SMYD3: variants seen among roughly 807,000 people sequenced by gnomAD.
The protein encoded by SMYD3 is histone-lysine N-methyltransferase SMYD3.
A neutral mutation model predicts 57.7 loss-of-function variants in SMYD3; 36 were observed. That is an observed-to-expected ratio of 0.62 (90% confidence interval 0.48 to 0.82). The LOEUF (loss-of-function observed/expected upper bound fraction) is 0.82. Among genes scored for constraint, SMYD3 ranks in the 40% least tolerant of loss-of-function variants. The pLI, the probability that SMYD3 is intolerant of heterozygous loss-of-function variation, is 0.00. For missense variants in SMYD3, 515 were observed against 538.8 expected (o/e 0.96, Z 0.44); for synonymous variants, 211 against 195.0 (o/e 1.08, Z -0.68).
chr1:245,762,282 T>C (rs1052513717), intron 11 of SMYD3, among the ~76,000 whole-genome samples: 7 of 152,146 alleles, frequency 4.6e-5, no homozygotes, highest in African/African-American at 1.7e-4. Context: ...GGGGACTGAG[T>C]ATGATCACGG....
At chr1:245,981,026 A>C (rs1223103737) in intron 5 of SMYD3, among the ~76,000 whole-genome samples, 3 of 152,214 alleles carry the variant, frequency 2.0e-5, no homozygotes, top group Admixed American at 2.0e-4. Context: ...CTGACCCTTT[A>C]GAGAGAGGTC....
At chr1:246,087,721 A>G (rs1231298602) in intron 5 of SMYD3, among the ~76,000 whole-genome samples, 1 of 152,198 alleles carries the variant, frequency 6.6e-6, no homozygotes, top group East Asian at 1.9e-4. Context: ...CAAGTAAAAC[A>G]AACACAATTT....
intron 5 of SMYD3, among the ~76,000 whole-genome samples, chr1:246,219,241 C>A (rs1311168281): frequency 6.6e-6 from 1 of 152,070 alleles, no homozygotes; most frequent in Non-Finnish European, 1.5e-5. Context: ...TATCCCACCC[C>A]ACCCTGTGCC....
chr1:245,771,558 A>G (rs545789673), intron 10 of SMYD3, among the ~76,000 whole-genome samples: 11 of 152,310 alleles, frequency 7.2e-5, no homozygotes, highest in African/African-American at 2.4e-4. Flanking sequence ...AAGACATTAG[A>G]CAGACATAGA....
At chr1:245,759,402 A>C (rs1306943760) in intron 11 of SMYD3, among the ~76,000 whole-genome samples, 1 of 152,136 alleles carries the variant, frequency 6.6e-6, no homozygotes. Context: ...AAGTCCATGG[A>C]AGGGCTTCAG....
chr1:246,067,702 G>A (rs1260610101), intron 5 of SMYD3, among the ~76,000 whole-genome samples: 1 of 152,166 alleles, frequency 6.6e-6, no homozygotes, highest in Admixed American at 6.5e-5. Flanking sequence ...TAGCATGCAA[G>A]ATCATTTTCA....
At chr1:246,019,095 C>T (rs773238178) in intron 5 of SMYD3, among the ~76,000 whole-genome samples, 3 of 152,138 alleles carry the variant, frequency 2.0e-5, no homozygotes, top group Non-Finnish European at 2.9e-5. Context: ...CCATTTTTCT[C>T]TGAGCTTTTT....
chr1:246,157,107 T>A (rs2062034239), intron 5 of SMYD3, among the ~76,000 whole-genome samples: 1 of 152,230 alleles, frequency 6.6e-6, no homozygotes, highest in Non-Finnish European at 1.5e-5. Flanking sequence ...CCAAAGCCAA[T>A]GAGTAGCGAA....
At chr1:246,150,346 A>T (rs1026939382) in intron 5 of SMYD3, among the ~76,000 whole-genome samples, 1 of 152,200 alleles carries the variant, frequency 6.6e-6, no homozygotes, top group Non-Finnish European at 1.5e-5. Context: ...TCAAGTTTAG[A>T]AATTAGTACT....
At chr1:245,849,530 G>C (rs2050845783) in intron 10 of SMYD3, among the ~76,000 whole-genome samples, 1 of 152,192 alleles carries the variant, frequency 6.6e-6, no homozygotes, top group Non-Finnish European at 1.5e-5. Context: ...ACCCAGTGTT[G>C]ATCAGTGTAC....
chr1:245,979,441 C>T (rs1450758482), intron 5 of SMYD3, among the ~76,000 whole-genome samples: 2 of 152,036 alleles, frequency 1.3e-5, no homozygotes, highest in African/African-American at 4.8e-5. Flanking sequence ...TAAGTAGGCC[C>T]GAAATTCAAC....
At chr1:246,137,728 G>A (rs2061685056) in intron 5 of SMYD3, among the ~76,000 whole-genome samples, 1 of 152,158 alleles carries the variant, frequency 6.6e-6, no homozygotes. Flanking sequence ...AACAAGTTCT[G>A]AGAACGCACA....
intron 10 of SMYD3, among the ~76,000 whole-genome samples, chr1:245,836,520 C>A (rs891783471): frequency 6.6e-6 from 1 of 152,198 alleles, no homozygotes; most frequent in Non-Finnish European, 1.5e-5. Flanking sequence ...ACAAATGCTC[C>A]GAGTCGGTTG....
At chr1:245,938,938 G>A (rs1006952660) in intron 5 of SMYD3, among the ~76,000 whole-genome samples, 2 of 152,016 alleles carry the variant, frequency 1.3e-5, no homozygotes, top group Non-Finnish European at 2.9e-5. Context: ...AAGAAAAGAG[G>A]AGTTCAAGAC....
chr1:246,162,018 A>G (rs2062130210), intron 5 of SMYD3, among the ~76,000 whole-genome samples: 1 of 152,182 alleles, frequency 6.6e-6, no homozygotes, highest in African/African-American at 2.4e-5. Flanking sequence ...AGCGTGGCAG[A>G]GCTGTGGGTT....
At chr1:245,902,881 C>T (rs549014189) in intron 8 of SMYD3, among the ~76,000 whole-genome samples, 90 of 152,294 alleles carry the variant, frequency 5.9e-4, no homozygotes, top group African/African-American at 2.2e-3. Context: ...AATCCAAAAA[C>T]TTAGAAGAAG....
chr1:246,438,897 G>A (rs182048033), intron 1 of SMYD3, among the ~76,000 whole-genome samples: 200 of 151,624 alleles, frequency 1.3e-3, no homozygotes, highest in Middle Eastern at 3.4e-3. Flanking sequence ...ATCTAATGCC[G>A]CTGCTGATCT....
intron 1 of SMYD3, among the ~76,000 whole-genome samples, chr1:246,368,160 T>G (rs573209994): frequency 3.9e-5 from 6 of 152,346 alleles, no homozygotes; most frequent in Non-Finnish European, 8.8e-5. Flanking sequence ...GTATACAAAT[T>G]AAAAACTTAG....
chr1:246,498,966 T>G (rs1345083080), intron 1 of SMYD3, among the ~76,000 whole-genome samples: 1 of 149,182 alleles, frequency 6.7e-6, no homozygotes, highest in African/African-American at 2.5e-5. Context: ...AATTTTTTGT[T>G]TTTTTTTTTA....
Sources: allele counts gnomAD v4.1 joint callset (sites outside exome capture counted in the v4.1 genomes callset), GRCh38; gene constraint gnomAD v4.1.1; transcripts MANE v1.5; gene names NCBI Gene and HGNC (gene_info 2026-07-23, HGNC 2026-07-21).